Variants in KCNIP1 observed in about 807,000 individuals in gnomAD.
The protein encoded by KCNIP1 is potassium voltage-gated channel interacting protein 1.
A neutral mutation model predicts 33.0 loss-of-function variants in KCNIP1; 18 were observed. The observed-to-expected ratio is 0.55, with a 90% CI of 0.38 to 0.81. The LOEUF is 0.81. Among genes scored for constraint, KCNIP1 ranks in the 30% least tolerant of loss-of-function variants. The pLI is 0.00. For synonymous variants in KCNIP1, 93 were observed against 98.3 expected, an observed-to-expected ratio of 0.95 and a Z score of 0.32; for missense variants, 238 against 271.6, an observed-to-expected ratio of 0.88 and a Z score of 0.87.
At chr5:170,668,176 G>A (rs1761778142) in intron 1 of KCNIP1, among the ~76,000 whole-genome samples, 1 of 152,234 alleles carries the variant, frequency 6.6e-6, no homozygotes, top group African/African-American at 2.4e-5. Context: ...AAGAGGTTAA[G>A]CATGGAGCTG....
chr5:170,391,571 G>A (rs1051889559), intron 1 of KCNIP1, among the ~76,000 whole-genome samples: 4 of 152,300 alleles, frequency 2.6e-5, no homozygotes, highest in African/African-American at 4.8e-5. Flanking sequence ...AAATATTGAC[G>A]GTTTGCATTA....
chr5:170,621,639 G>T (rs1759607354), intron 1 of KCNIP1, among the ~76,000 whole-genome samples: 3 of 152,190 alleles, frequency 2.0e-5, no homozygotes, highest in Admixed American at 2.0e-4. Flanking sequence ...CTCCCAAGTA[G>T]CTAGAGCCAC....
intron 1 of KCNIP1, among the ~76,000 whole-genome samples, chr5:170,627,673 A>T (rs1048743942): frequency 2.0e-5 from 3 of 152,200 alleles, no homozygotes; most frequent in Admixed American, 1.3e-4. Context: ...CCCTTGCAAG[A>T]TCTGTTTTGA....
At chr5:170,480,754 A>G (rs1756959870) in intron 1 of KCNIP1, among the ~76,000 whole-genome samples, 2 of 152,106 alleles carry the variant, frequency 1.3e-5, no homozygotes, top group South Asian at 4.1e-4. Flanking sequence ...AAGACGAGGA[A>G]TTTAAACCCT....
intron 1 of KCNIP1, among the ~76,000 whole-genome samples, chr5:170,562,240 G>A (rs1293413535): frequency 6.6e-6 from 1 of 152,204 alleles, no homozygotes; most frequent in African/African-American, 2.4e-5. Context: ...AGACAGAGAG[G>A]CAGAGGGAAT....
At chr5:170,702,334 A>G (rs329468) in intron 1 of KCNIP1, among the ~76,000 whole-genome samples, 97,186 of 152,080 alleles carry the variant, frequency 0.64, 32,252 homozygotes, top group East Asian at 0.94. Flanking sequence ...CCTTGGATGA[A>G]GCCAGTTCCC....
intron 1 of KCNIP1, among the ~76,000 whole-genome samples, chr5:170,620,096 A>G (rs574666581): frequency 6.6e-6 from 1 of 152,348 alleles, no homozygotes; most frequent in East Asian, 1.9e-4. Context: ...AAAATTATTT[A>G]CCATGCAATA....
intron 1 of KCNIP1, among the ~76,000 whole-genome samples, chr5:170,493,044 G>A (rs1044457961): frequency 2.6e-5 from 4 of 152,130 alleles, no homozygotes; most frequent in African/African-American, 7.2e-5. Flanking sequence ...CACCTCCCCC[G>A]GCCCCTTTCT....
intron 1 of KCNIP1, among the ~76,000 whole-genome samples, chr5:170,633,324 G>A (rs1760136761): frequency 6.6e-6 from 1 of 152,016 alleles, no homozygotes; most frequent in South Asian, 2.1e-4. Context: ...CAGAAGATGA[G>A]GAAAATGAGC....
At chr5:170,412,099 A>G (rs1291124168) in intron 1 of KCNIP1, among the ~76,000 whole-genome samples, 1 of 152,256 alleles carries the variant, frequency 6.6e-6, no homozygotes, top group Non-Finnish European at 1.5e-5. Flanking sequence ...AAGAAAGGAC[A>G]AACGGTTGAG....
intron 1 of KCNIP1, among the ~76,000 whole-genome samples, chr5:170,384,582 C>A (rs1764388570): frequency 6.6e-6 from 1 of 152,202 alleles, no homozygotes; most frequent in Admixed American, 6.5e-5. Context: ...CCCAAGTATC[C>A]TGTGGGAGAC....
intron 1 of KCNIP1, among the ~76,000 whole-genome samples, chr5:170,457,152 A>G (rs1232553605): frequency 6.6e-6 from 1 of 152,276 alleles, no homozygotes; most frequent in Non-Finnish European, 1.5e-5. Context: ...GAATACAACA[A>G]GCCAATTGAT....
At chr5:170,561,912 C>T (rs112208550) in intron 1 of KCNIP1, among the ~76,000 whole-genome samples, 5 of 152,224 alleles carry the variant, frequency 3.3e-5, no homozygotes, top group Admixed American at 6.5e-5. Flanking sequence ...AAATCAAAAA[C>T]GCATTTAGTA....
At chr5:170,721,332 G>T (rs1763813995) in intron 3 of KCNIP1, among the ~76,000 whole-genome samples, 1 of 152,174 alleles carries the variant, frequency 6.6e-6, no homozygotes, top group South Asian at 2.1e-4. Context: ...AGGCACAGCT[G>T]TAGTTTAAAA....
chr5:170,505,234 A>G (rs1161226535), intron 1 of KCNIP1, among the ~76,000 whole-genome samples: 1 of 152,158 alleles, frequency 6.6e-6, no homozygotes, highest in Non-Finnish European at 1.5e-5. Flanking sequence ...TACATCAAGG[A>G]TTAAAAAGCA....
At chr5:170,426,505 AGTTACT>A (rs1282640744) in intron 1 of KCNIP1, among the ~76,000 whole-genome samples, 1 of 152,242 alleles carries the variant, frequency 6.6e-6, no homozygotes, top group Non-Finnish European at 1.5e-5. Context: ...TAGATCCAGC[AGTTACT>A]GTCTACATGA....
chr5:170,571,476 T>C (rs1324631827), intron 1 of KCNIP1, among the ~76,000 whole-genome samples: 5 of 152,252 alleles, frequency 3.3e-5, no homozygotes, highest in Admixed American at 2.0e-4. Flanking sequence ...CAGGTCTCAG[T>C]TGAAACATCA....
intron 1 of KCNIP1, among the ~76,000 whole-genome samples, chr5:170,612,894 G>T (rs749573593): frequency 1.3e-5 from 2 of 152,066 alleles, no homozygotes; most frequent in Admixed American, 6.6e-5. Flanking sequence ...TATAGGGCCC[G>T]CTGGTTCCTT....
intron 1 of KCNIP1, among the ~76,000 whole-genome samples, chr5:170,393,019 C>T (rs1439097330): frequency 1.3e-5 from 2 of 152,166 alleles, no homozygotes; most frequent in African/African-American, 4.8e-5. Context: ...CACAATCCCC[C>T]ACAAAAGGCC....
Sources: allele counts gnomAD v4.1 joint callset (sites outside exome capture counted in the v4.1 genomes callset), GRCh38; gene constraint gnomAD v4.1.1; transcripts MANE v1.5; gene names NCBI Gene and HGNC (gene_info 2026-07-23, HGNC 2026-07-21).